The following AQP8 variants were observed in gnomAD, a reference collection of about 807,000 sequenced individuals.
AQP8 encodes the protein aquaporin 8, also known as aquaporin-8.
A neutral mutation model predicts 26.1 loss-of-function variants in AQP8; 14 were observed. The ratio of observed to expected loss-of-function variants is 0.54; its 90% CI spans 0.35 to 0.84. AQP8 has a LOEUF of 0.84. Among genes scored for constraint, AQP8 ranks in the 40% least tolerant of loss-of-function variants. The probability of loss-of-function intolerance (pLI) is 0.01; values close to 1 mark genes in which losing one functional copy is unlikely to be tolerated. For synonymous variants in AQP8, 131 were observed against 150.7 expected (o/e 0.87, Z 0.96); for missense variants, 301 against 340.5 (o/e 0.88, Z 0.91).
At chr16:25,221,632 C>T (rs762370399) in intron 3 of AQP8, 49 bp downstream of exon 3, 1 of 1,609,168 alleles carries the variant, frequency 6.2e-7, no homozygotes, top group Admixed American at 1.7e-5. Context: ...GATGGGGCTG[C>T]TGGAGGTGCA....
intron 2 of AQP8, 74 bp from the exon 3 acceptor site, chr16:25,221,383 G>A: frequency 1.9e-6 from 3 of 1,574,202 alleles, no homozygotes; most frequent in Middle Eastern, 1.7e-4. Flanking sequence ...GGGTTGGCTG[G>A]GACACACTGT....
At chr16:25,221,769 TA>T (rs1962565877) in intron 3 of AQP8, among the ~76,000 whole-genome samples, 186 bp downstream of exon 3, 1 of 152,004 alleles carries the variant, frequency 6.6e-6, no homozygotes, top group South Asian at 2.1e-4. Flanking sequence ...TTGTATTTTT[TA>T]TTTGTTTGTT....
chr16:25,228,344 C>T, intron 5 of AQP8, 100 bp from the exon 6 acceptor site: 1 of 1,103,192 alleles, frequency 9.1e-7, no homozygotes, highest in Non-Finnish European at 1.4e-6. Context: ...TGGGGAGGCT[C>T]AGGAAGTCAT....
At chr16:25,218,950 A>G (rs1261111215) in intron 2 of AQP8, among the ~76,000 whole-genome samples, 1 of 151,492 alleles carries the variant, frequency 6.6e-6, no homozygotes, top group Admixed American at 6.6e-5. Context: ...GGAGGCTGCA[A>G]GTGAAACAAA....
chr16:25,217,813 A>C (rs73551011), intron 2 of AQP8, among the ~76,000 whole-genome samples: 5,301 of 152,068 alleles, frequency 0.035, 117 homozygotes, highest in African/African-American at 0.05. Context: ...CAGGCATGAG[A>C]CACCATGCCT....
intron 2 of AQP8, among the ~76,000 whole-genome samples, 168 bp from the exon 3 acceptor site, chr16:25,221,289 T>C (rs747698859): frequency 6.6e-6 from 1 of 152,120 alleles, no homozygotes; most frequent in Non-Finnish European, 1.5e-5. Flanking sequence ...GCCTGGCATC[T>C]CAGGGAAAAT....
chr16:25,217,770 C>T (rs977590639), intron 2 of AQP8, among the ~76,000 whole-genome samples: 1 of 152,216 alleles, frequency 6.6e-6, no homozygotes, highest in Non-Finnish European at 1.5e-5. Flanking sequence ...TCAAGCGATC[C>T]TCCTGCCTTG....
At position 25,228,760 on chromosome 16, in the gene AQP8, C is replaced by T. The variant is rs776263247; in HGVS notation, c.*268C>T. ...AGCAGTGCAAACACCACAACACGAG[C>T]GTGTTTCTTGAGAGGAATGTCCCCG... On this transcript the variant is annotated 3_prime_UTR_variant, in exon 6 of 6. Coordinates refer to ENST00000219660, the MANE Select transcript of AQP8 (RefSeq NM_001169.3). 57 of 340,612 alleles carry T rather than the reference C, an allele frequency of 1.7e-4. No homozygotes were observed. The highest frequency in any genetic ancestry group is 1.2e-3 in the East Asian group (24 of 20,370). The allele number at this position is 340,612 out of a possible 1,614,324, so 21.1% of individuals were successfully genotyped here. A position where few individuals can be genotyped will look rare whatever the true frequency, so the allele number is the denominator to read the frequency against.
chr16:25,217,766 G>A (rs1962508392), intron 2 of AQP8, among the ~76,000 whole-genome samples: 1 of 152,190 alleles, frequency 6.6e-6, no homozygotes, highest in East Asian at 1.9e-4. Context: ...GGTCTCAAGC[G>A]ATCCTCCTGC....
chr16:25,225,180 C>CG (rs1466970838), intron 4 of AQP8, among the ~76,000 whole-genome samples: 1 of 152,196 alleles, frequency 6.6e-6, no homozygotes, highest in Non-Finnish European at 1.5e-5. Flanking sequence ...ATAGGGGTCA[C>CG]GCTCTGTTGC....
rs778477614 is a variant in AQP8, at chr16:25,217,427, C to A, written c.242C>A (p.Ala81Asp). 6.2e-7 allele frequency: 1 copy of A among 1,614,088 alleles called. No homozygotes were observed. The highest frequency in any genetic ancestry group is 8.5e-7 in the Non-Finnish European group (1 of 1,180,004). The change falls in exon 2 of 6, where the codon GCC (alanine) becomes GAC (aspartate). Residue 81 changes from alanine to aspartate, a missense_variant. Physicochemically the swap from Ala to Asp is moderately radical, Grantham distance 126. Transcript: ENST00000219660. The stretch of plus-strand genomic sequence containing the variant: ...GGGCTGGCTTTGGGGCTCGTGATTG[C>A]CACGCTGGGGAATATCAGGTGAGAC... ...AHGLALGLVI[A>D]TLGNISGGHF...
At chr16:25,225,440 C>T (rs958684426) in intron 4 of AQP8, among the ~76,000 whole-genome samples, 1 of 151,754 alleles carries the variant, frequency 6.6e-6, no homozygotes, top group Middle Eastern at 3.2e-3. Context: ...TGCTTTGCTG[C>T]CCCCTAGTGG....
intron 2 of AQP8, among the ~76,000 whole-genome samples, chr16:25,218,108 T>G (rs970287697): frequency 1.3e-5 from 2 of 152,236 alleles, no homozygotes; most frequent in African/African-American, 4.8e-5. Context: ...ACAAGCTGTC[T>G]GGCTCCAGCG....
chr16:25,225,650 C>T (rs1962621437), intron 4 of AQP8, among the ~76,000 whole-genome samples: 1 of 151,980 alleles, frequency 6.6e-6, no homozygotes. Context: ...ATCTCATGAT[C>T]CGCCCGCCTT....
chr16:25,218,696 A>G (rs1962519552), intron 2 of AQP8, among the ~76,000 whole-genome samples: 1 of 152,190 alleles, frequency 6.6e-6, no homozygotes, highest in South Asian at 2.1e-4. Context: ...CCTGGCCAAC[A>G]GGGTGAAACC....
At chr16:25,220,148 T>C (rs1962541611) in intron 2 of AQP8, among the ~76,000 whole-genome samples, 2 of 151,972 alleles carry the variant, frequency 1.3e-5, no homozygotes, top group South Asian at 4.2e-4. Flanking sequence ...TCTCGAGCTA[T>C]CAGGGTGTTG....
chr16:25,224,340 G>C lies in AQP8; in HGVS notation c.388-22G>C, dbSNP rs569348752. The C allele has an allele frequency of 1.9e-6, 3 of 1,597,506 alleles. No homozygotes were observed. In the East Asian group the frequency reaches 6.7e-5, roughly 36 times the overall value. On this transcript the variant is annotated intron_variant, in intron 3 of 5. Coordinates refer to ENST00000219660, the MANE Select transcript of AQP8 (RefSeq NM_001169.3). ...AGCTGTCTCTCTGCCCCACTGTGAG[G>C]CTCAGCAGCTTCTCTGTGCAGGCGG...
chr16:25,227,866 T>C (rs1267300176), intron 5 of AQP8, among the ~76,000 whole-genome samples: 2 of 151,474 alleles, frequency 1.3e-5, no homozygotes, highest in African/African-American at 4.8e-5. Flanking sequence ...CCTCAAGTGA[T>C]CTGCCTCCCA....
rs769366843 is a variant in AQP8 at position 25,217,205 on chromosome 16, T to C, written c.20T>C (p.Met7Thr). The C allele has an allele frequency of 3.8e-5, 62 of 1,614,000 alleles. No individual in the cohort carries two copies. The highest frequency in any genetic ancestry group is 4.9e-5 in the Non-Finnish European group (58 of 1,180,024). Reference sequence around the variant, plus strand: ...CCTTTTTCCCTACGGCAGATAGCCATGTGTGAGCCTGAATTTGGCAATGAC... The same window carrying C: ...CCTTTTTCCCTACGGCAGATAGCCACGTGTGAGCCTGAATTTGGCAATGAC... MSGEIA[M>T]CEPEFGNDKA... Residue 7 changes from methionine to threonine, a missense_variant, in exon 2 of 6, where the codon ATG (methionine) becomes ACG (threonine). Transcript: ENST00000219660.
Sources: allele counts gnomAD v4.1 joint callset (sites outside exome capture counted in the v4.1 genomes callset), GRCh38; gene constraint gnomAD v4.1.1; transcripts MANE v1.5; gene names NCBI Gene and HGNC (gene_info 2026-07-23, HGNC 2026-07-21).